GCNT2: variants seen among roughly 807,000 people sequenced by gnomAD.
GCNT2 encodes N-acetyllactosaminide beta-1,6-N-acetylglucosaminyl-transferase.
GCNT2 carries 34 observed loss-of-function variants against 34.2 expected under a neutral mutation model. The observed-to-expected ratio is 1.00, with a 90% confidence interval of 0.76 to 1.32. GCNT2 has a LOEUF of 1.32. Ranked by LOEUF, GCNT2 falls within the 40% of genes most tolerant of loss-of-function variation. The pLI is 0.00. For missense variants in GCNT2, 584 were observed against 489.4 expected (o/e 1.19, Z -1.82); for synonymous variants, 212 against 188.0 (o/e 1.13, Z -1.04).
chr6:10,528,982 A>T lies in GCNT2; in HGVS notation c.71A>T (p.Tyr24Phe), dbSNP rs909398404. ...TCTGCCCTGATTTTTGTATTTGTTTACAATACTGAGTTATGGGAGAATAAA... is the reference window on the plus strand; with the variant it reads ...TCTGCCCTGATTTTTGTATTTGTTTTCAATACTGAGTTATGGGAGAATAAA... ...LISALIFVFV[Y>F]NTELWENKRF... The change falls in exon 3 of 5, where the codon TAC becomes TTC. Residue 24 changes from tyrosine (Y) to phenylalanine (F), a missense_variant. Coordinates refer to ENST00000495262, the MANE Select transcript of GCNT2 (RefSeq NM_145649.5). The T allele has an allele frequency of 6.2e-7, 1 of 1,613,940 alleles. No homozygotes were observed. The highest frequency in any genetic ancestry group is 8.5e-7 in the Non-Finnish European group (1 of 1,179,830).
intron 3 of GCNT2, among the ~76,000 whole-genome samples, chr6:10,572,122 G>T (rs1013891862): frequency 6.6e-6 from 1 of 152,036 alleles, no homozygotes; most frequent in African/African-American, 2.4e-5. Flanking sequence ...TGGGCAAGCC[G>T]GGACAGTTGG....
intron 3 of GCNT2, among the ~76,000 whole-genome samples, chr6:10,578,679 C>T (rs752718236): frequency 1.1e-4 from 16 of 152,056 alleles, no homozygotes; most frequent in South Asian, 2.1e-4. Context: ...ATCTCCTGAC[C>T]TCGTGATCCG....
chr6:10,528,811 C>T lies in GCNT2; in HGVS notation c.-101C>T, dbSNP rs1262223650. ...ACAGCCAGACGAGAGCTTCAGCCAT[C>T]ACGAGGATGATTTCGGAACCTGGAG... On this transcript the variant is annotated 5_prime_UTR_variant, in exon 3 of 5. Coordinates refer to ENST00000495262, the MANE Select transcript of GCNT2 (RefSeq NM_145649.5). 11 of 933,916 alleles carry T rather than the reference C, an allele frequency of 1.2e-5. No individual in the cohort carries two copies. The Admixed American group carries it at 1.9e-4, about 16-fold the overall frequency. The allele number at this position is 933,916 out of a possible 1,614,324, so 57.9% of individuals were successfully genotyped here.
intron 3 of GCNT2, among the ~76,000 whole-genome samples, chr6:10,610,960 G>C (rs1415192274): frequency 6.6e-6 from 1 of 152,136 alleles, no homozygotes; most frequent in Admixed American, 6.5e-5. Flanking sequence ...GAGTGAATTT[G>C]TTGGCAGTTA....
At chr6:10,562,905 A>T (rs528952868) in intron 3 of GCNT2, among the ~76,000 whole-genome samples, 27 of 151,948 alleles carry the variant, frequency 1.8e-4, no homozygotes, top group Non-Finnish European at 3.7e-4. Context: ...GGTTGTTAAC[A>T]AGCAGCACTT....
chr6:10,553,435 A>C (rs1762562425), intron 3 of GCNT2, among the ~76,000 whole-genome samples: 1 of 152,206 alleles, frequency 6.6e-6, no homozygotes, highest in Non-Finnish European at 1.5e-5. Context: ...CTTGGCCTTC[A>C]CATGGGAAGC....
chr6:10,571,342 A>AATT (rs151274369), intron 3 of GCNT2, among the ~76,000 whole-genome samples: 1 of 151,660 alleles, frequency 6.6e-6, no homozygotes, highest in African/African-American at 2.4e-5. Flanking sequence ...TGATCATGAT[A>AATT]ATTATTATTA....
At chr6:10,609,833 C>A (rs1765475835) in intron 3 of GCNT2, among the ~76,000 whole-genome samples, 1 of 152,144 alleles carries the variant, frequency 6.6e-6, no homozygotes, top group Non-Finnish European at 1.5e-5. Context: ...AGTTGGAATT[C>A]TGGTAAGGGT....
At chr6:10,556,972 G>C (rs768135788) in intron 3 of GCNT2, 1 of 1,614,020 alleles carries the variant, frequency 6.2e-7, no homozygotes, top group Admixed American at 1.7e-5. Flanking sequence ...TCTCATGGAA[G>C]TACGTTATCA....
intron 3 of GCNT2, among the ~76,000 whole-genome samples, chr6:10,593,493 A>G (rs753631672): frequency 6.6e-6 from 1 of 152,090 alleles, no homozygotes; most frequent in Non-Finnish European, 1.5e-5. Context: ...ATGCACCACT[A>G]CACCTGGCTC....
Position 10,559,193 on chromosome 6 carries a change from G to A in GCNT2, c.925+29357G>A, listed in dbSNP as rs1762855923. 2.0e-5 allele frequency among the ~76,000 whole-genome samples: 3 copies of A among 151,752 alleles called. No individual in the cohort carries two copies. The South Asian group carries it at 6.2e-4, about 32-fold the overall frequency. On this transcript the variant is annotated intron_variant, in intron 3 of 4. Transcript: ENST00000495262. Reference sequence around the variant, plus strand: ...TGTCAAATAATATAAGAAAATCAAGGGAAAAAGAATTCCCCTTTTTTCCTT... The same window carrying A: ...TGTCAAATAATATAAGAAAATCAAGAGAAAAAGAATTCCCCTTTTTTCCTT...
chr6:10,526,053 T>A (rs1177196753), intron 1 of GCNT2, among the ~76,000 whole-genome samples: 1 of 152,220 alleles, frequency 6.6e-6, no homozygotes, highest in Non-Finnish European at 1.5e-5. Flanking sequence ...TTTCATTTGA[T>A]ATGGACAGGG....
chr6:10,591,156 A>G (rs1216595204), intron 3 of GCNT2, among the ~76,000 whole-genome samples: 1 of 152,188 alleles, frequency 6.6e-6, no homozygotes, highest in African/African-American at 2.4e-5. Context: ...GAGCTCCTTA[A>G]GCATAAGAAA....
At chr6:10,586,622 AG>A (rs754006604) in intron 3 of GCNT2, 1 of 1,614,250 alleles carries the variant, frequency 6.2e-7, no homozygotes, top group South Asian at 1.1e-5. Context: ...AAGGATTTAA[AG>A]GGAAAAATAT....
chr6:10,621,362 T>C lies in GCNT2; in HGVS notation c.937T>C (p.Ser313Pro). 1 of 1,610,534 alleles carries C rather than the reference T, an allele frequency of 6.2e-7. No homozygotes were observed. The highest frequency in any genetic ancestry group is 8.5e-7 in the Non-Finnish European group (1 of 1,176,866). ...TLNRIPGVPG[S>P]MPNASWTGNL... ...TATCAACATTGCAGGTGTTCCTGGC[T>C]CTATGCCAAATGCATCCTGGACTGG... The change falls in exon 4 of 5, where the codon TCT becomes CCT. Residue 313 changes from serine to proline, a missense_variant. Physicochemically the swap from Ser to Pro is moderately conservative, Grantham distance 74. Transcript: ENST00000495262.
At chr6:10,614,599 C>A (rs1446391410) in intron 3 of GCNT2, among the ~76,000 whole-genome samples, 1 of 140,180 alleles carries the variant, frequency 7.1e-6, no homozygotes, top group African/African-American at 2.8e-5. Flanking sequence ...GGACTCCAGC[C>A]TGGGCAACAG....
intron 3 of GCNT2, among the ~76,000 whole-genome samples, chr6:10,540,592 G>A (rs537960334): frequency 7.2e-5 from 11 of 152,174 alleles, no homozygotes; most frequent in Non-Finnish European, 1.3e-4. Flanking sequence ...GCAACCTAAT[G>A]ATTGGCCCAG....
intron 3 of GCNT2, among the ~76,000 whole-genome samples, chr6:10,601,940 CAAGA>C (rs1218533886): frequency 3.2e-5 from 2 of 62,580 alleles, no homozygotes. Flanking sequence ...GACTCCATCT[CAAGA>C]AAAAAAAAAA....
At chr6:10,576,816 G>A (rs1009650189) in intron 3 of GCNT2, among the ~76,000 whole-genome samples, 3 of 152,202 alleles carry the variant, frequency 2.0e-5, no homozygotes, top group African/African-American at 7.2e-5. Context: ...GCTCAAGCCT[G>A]TAATCCCATC....
Sources: gnomAD v4.1 joint callset for allele counts (sites outside exome capture counted in the v4.1 genomes callset) on GRCh38, gnomAD v4.1.1 for gene constraint, MANE v1.5 for transcripts, NCBI Gene and HGNC (gene_info 2026-07-23, HGNC 2026-07-21) for gene names.